Variants in VPS8 observed in about 807,000 individuals in gnomAD.
VPS8 encodes VPS8 subunit of CORVET complex, also known as vacuolar protein sorting-associated protein 8 homolog.
A neutral mutation model predicts 216.4 loss-of-function variants in VPS8; 129 were observed. The ratio of observed to expected loss-of-function variants is 0.60; its 90% CI spans 0.52 to 0.69. The LOEUF (loss-of-function observed/expected upper bound fraction) is 0.69. Ranked by LOEUF, VPS8 falls within the 30% of genes least tolerant of loss-of-function variation. VPS8 has a pLI of 0.00. For missense variants in VPS8, 1,531 were observed against 1,683.5 expected (o/e 0.91, Z 1.59); for synonymous variants, 571 against 565.4 (o/e 1.01, Z -0.14).
intron 44 of VPS8, among the ~76,000 whole-genome samples, chr3:184,998,439 A>G (rs1752908677): frequency 1.0e-5 from 1 of 95,292 alleles, no homozygotes; most frequent in East Asian, 3.6e-4. Context: ...TCTCTAAAGG[A>G]GCAAAGGTAG....
chr3:185,007,065 A>C (rs1337108210), intron 45 of VPS8, among the ~76,000 whole-genome samples: 2 of 152,236 alleles, frequency 1.3e-5, no homozygotes, highest in East Asian at 3.8e-4. Context: ...CAACAAGGTT[A>C]CATAGATGTG....
In VPS8 at chr3:185,037,140, A is replaced by G. The variant is rs376490178; in HGVS notation, c.4057-11339A>G. 3.6e-3 allele frequency among the ~76,000 whole-genome samples: 541 copies of G among 151,302 alleles called. 3 individuals are homozygous for G. Among genetic ancestry groups the G allele is most frequent in the African/African-American group, 0.013 (520 of 41,124 alleles). ...TTCATGCCAAAGAAATTGCATTAGTAGTTCTTATAAGTCAGGTCTGCCTAT... is the reference window on the plus strand; with the variant it reads ...TTCATGCCAAAGAAATTGCATTAGTGGTTCTTATAAGTCAGGTCTGCCTAT... On this transcript the variant is annotated intron_variant, in intron 46 of 47. Transcript: ENST00000625842.
intron 40 of VPS8, among the ~76,000 whole-genome samples, chr3:184,979,552 T>A (rs1300322927): frequency 3.3e-5 from 5 of 152,250 alleles, no homozygotes; most frequent in African/African-American, 4.8e-5. Flanking sequence ...CATTATTTAA[T>A]ACCTTTATTT....
chr3:184,814,637 G>A (rs958864897), intron 1 of VPS8, among the ~76,000 whole-genome samples: 1 of 152,214 alleles, frequency 6.6e-6, no homozygotes, highest in Non-Finnish European at 1.5e-5. Context: ...ATTGAAAAAT[G>A]TGAACCTGTG....
intron 23 of VPS8, among the ~76,000 whole-genome samples, chr3:184,895,604 C>T (rs1644465456): frequency 3.0e-5 from 1 of 33,856 alleles, no homozygotes; most frequent in East Asian, 1.1e-3. Context: ...CCTCCTCCCC[C>T]CCTCCTCCTC....
intron 10 of VPS8, among the ~76,000 whole-genome samples, chr3:184,851,293 A>G (rs560048922): frequency 3.7e-4 from 56 of 152,346 alleles, no homozygotes; most frequent in African/African-American, 1.3e-3. Flanking sequence ...AATGGTGATG[A>G]AGGTGGTACA....
At chr3:185,003,931 G>A (rs887205620) in intron 45 of VPS8, among the ~76,000 whole-genome samples, 5 of 151,210 alleles carry the variant, frequency 3.3e-5, no homozygotes, top group Non-Finnish European at 5.9e-5. Context: ...GGGTGGCGGG[G>A]CAGAGGCGCT....
intron 37 of VPS8, among the ~76,000 whole-genome samples, chr3:184,960,432 G>A (rs1439230246): frequency 6.6e-6 from 1 of 152,130 alleles, no homozygotes; most frequent in East Asian, 1.9e-4. Flanking sequence ...AGGATATTTC[G>A]TTATTTTCTG....
At chr3:184,928,042 T>C (rs139137691) in intron 31 of VPS8, among the ~76,000 whole-genome samples, 7 of 152,356 alleles carry the variant, frequency 4.6e-5, no homozygotes, top group African/African-American at 1.4e-4. Context: ...CAATACTTAA[T>C]TTTTAAAAAA....
At chr3:184,955,441 C>T (rs1057481220) in intron 36 of VPS8, among the ~76,000 whole-genome samples, 14 of 152,188 alleles carry the variant, frequency 9.2e-5, no homozygotes, top group Admixed American at 9.2e-4. Flanking sequence ...GTCCCATGAT[C>T]ATGTGACTTG....
In VPS8 at chr3:184,948,040, A is replaced by G. The variant is rs74513224; in HGVS notation, c.3035+7797A>G. The stretch of plus-strand genomic sequence containing the variant: ...AAACAGTAGACAGGTCTAGAATTTA[A>G]TAACAGATGTGCTATAGTTTTCTTC... On this transcript the variant is annotated intron_variant, in intron 36 of 47. Transcript: ENST00000625842. Among the ~76,000 whole-genome samples the G allele has an allele frequency of 4.4e-3, 669 of 152,302 alleles. 7 individuals are homozygous for G. Among genetic ancestry groups the G allele is most frequent in the African/African-American group, 0.015 (628 of 41,576 alleles).
intron 21 of VPS8, among the ~76,000 whole-genome samples, chr3:184,875,357 C>T (rs1383909299): frequency 6.6e-6 from 1 of 152,010 alleles, no homozygotes; most frequent in Non-Finnish European, 1.5e-5. Flanking sequence ...AATATTTGTC[C>T]TGTCTTAGTT....
rs150665312 is a variant in VPS8 at position 184,882,206 on chromosome 3, A to G, written c.1735-3904A>G. The stretch of plus-strand genomic sequence containing the variant: ...CTATGAAGTATAATATTAGCTGTAG[A>G]TTTTTTGTAGTTACTTCTTATCAAG... On this transcript the variant is annotated intron_variant, in intron 21 of 47. Transcript: ENST00000625842. 2.8e-3 allele frequency: 950 copies of G among 339,164 alleles called. 18 individuals are homozygous for G. The Admixed American group carries it at 0.029, about 10-fold the overall frequency. The allele number at this position is 339,164 out of a possible 1,614,324, so 21.0% of individuals were successfully genotyped here.
intron 37 of VPS8, among the ~76,000 whole-genome samples, chr3:184,962,462 A>G (rs1411708306): frequency 1.3e-5 from 2 of 152,222 alleles, no homozygotes; most frequent in African/African-American, 2.4e-5. Flanking sequence ...GTGATTACTC[A>G]TGACATTAAA....
chr3:184,836,438 C>T (rs977445612), intron 5 of VPS8: 14 of 386,896 alleles, frequency 3.6e-5, no homozygotes, highest in Non-Finnish European at 6.1e-5. Flanking sequence ...TGAGCTAAAA[C>T]TCAGACTCTG....
chr3:185,052,123 C>A lies in VPS8; in HGVS notation c.*98C>A. ...TGGGCTTGGCCTCCACCACCTCCCA[C>A]GCTTCTGAGAAGAGGTTCCAAATTG... On this transcript the variant is annotated 3_prime_UTR_variant, in exon 48 of 48. Transcript: ENST00000625842. 7.3e-7 allele frequency: 1 copy of A among 1,367,258 alleles called. No homozygotes were observed. The highest frequency in any genetic ancestry group is 1.5e-5 in the South Asian group (1 of 66,396). The allele number at this position is 1,367,258 out of a possible 1,614,324, so 84.7% of individuals were successfully genotyped here.
Position 184,962,724 on chromosome 3 carries a change from AGTGTGTGTGTGT to A in VPS8, c.3184-1713_3184-1702del, listed in dbSNP as rs10562348. Among the ~76,000 whole-genome samples the A allele has an allele frequency of 4.9e-3, 718 of 145,828 alleles. 1 individual carries two copies. The highest frequency in any genetic ancestry group is 7.1e-3 in the Middle Eastern group (2 of 282). On this transcript the variant is annotated intron_variant, in intron 37 of 47. Transcript: ENST00000625842. The stretch of plus-strand genomic sequence containing the variant: ...TTAGTTTACCATTCTTTAAGGCTTA[AGTGTGTGTGTGT>A]GTGTGTGTGTGTGTGTGTGTGTGTG...
At chr3:184,914,500 A>T (rs921716577) in intron 26 of VPS8, among the ~76,000 whole-genome samples, 3 of 152,030 alleles carry the variant, frequency 2.0e-5, no homozygotes, top group Non-Finnish European at 4.4e-5. Context: ...TCAGATTCTA[A>T]TTCTCCCCGG....
At chr3:185,026,993 G>A (rs1757464268) in intron 46 of VPS8, among the ~76,000 whole-genome samples, 2 of 151,958 alleles carry the variant, frequency 1.3e-5, no homozygotes, top group Non-Finnish European at 2.9e-5. Flanking sequence ...ACAGGCGTGA[G>A]CCACCACGCC....
Sources: allele counts gnomAD v4.1 joint callset (sites outside exome capture counted in the v4.1 genomes callset), GRCh38; gene constraint gnomAD v4.1.1; transcripts MANE v1.5; gene names NCBI Gene and HGNC (gene_info 2026-07-23, HGNC 2026-07-21).